SMG6: variants seen among roughly 807,000 people sequenced by gnomAD.
SMG6 encodes the protein SMG6 nonsense mediated mRNA decay factor, also known as telomerase-binding protein EST1A.
Under a neutral mutation model 142.2 loss-of-function variants are expected in SMG6, and 66 were observed. The observed-to-expected ratio is 0.46, with a 90% CI of 0.38 to 0.57. The LOEUF is 0.57. Among genes scored for constraint, SMG6 ranks in the 20% least tolerant of loss-of-function variants. The pLI, the probability that SMG6 is intolerant of heterozygous loss-of-function variation, is 0.00. For synonymous variants in SMG6, 779 were observed against 702.4 expected, an observed-to-expected ratio of 1.11 and a Z score of -1.72; for missense variants, 1,793 against 1,832.0, an observed-to-expected ratio of 0.98 and a Z score of 0.39.
intron 8 of SMG6, among the ~76,000 whole-genome samples, chr17:2,270,282 A>C (rs911367085): frequency 6.6e-6 from 1 of 152,184 alleles, no homozygotes; most frequent in African/African-American, 2.4e-5. Flanking sequence ...AAATAATCAC[A>C]TATACACCTA....
intron 13 of SMG6, among the ~76,000 whole-genome samples, chr17:2,165,215 T>A (rs561539218): frequency 1.3e-5 from 2 of 152,252 alleles, no homozygotes; most frequent in South Asian, 4.1e-4. Flanking sequence ...AATGACAGAA[T>A]TTCTTCTTCA....
intron 4 of SMG6, among the ~76,000 whole-genome samples, chr17:2,293,757 A>C (rs1218349527): frequency 6.6e-6 from 1 of 152,264 alleles, no homozygotes; most frequent in Non-Finnish European, 1.5e-5. Context: ...TACAGGCGTG[A>C]GCCATCACGC....
At chr17:2,099,495 A>C (rs1333585325) in intron 13 of SMG6, among the ~76,000 whole-genome samples, 2 of 152,134 alleles carry the variant, frequency 1.3e-5, no homozygotes, top group Non-Finnish European at 2.9e-5. Flanking sequence ...TTTGAAAAAA[A>C]AAAATTACAT....
intron 8 of SMG6, among the ~76,000 whole-genome samples, chr17:2,264,260 C>G (rs1184862236): frequency 6.6e-6 from 1 of 152,228 alleles, no homozygotes; most frequent in Non-Finnish European, 1.5e-5. Context: ...CTGATTGCTC[C>G]CTTGTCTAAC....
chr17:2,061,300 C>T lies in SMG6; in HGVS notation c.*192G>A, dbSNP rs1208966295. ...AGCCCAGGAGGGTCCCAGCAGCTTC[C>T]GCCCGATCCTTGGGAGGGGCTCTGT... On this transcript the variant is annotated 3_prime_UTR_variant, in exon 19 of 19. Coordinates refer to ENST00000263073, the MANE Select transcript of SMG6 (RefSeq NM_017575.5). The T allele has an allele frequency of 2.0e-5, 12 of 594,940 alleles. No individual in the cohort carries two copies. Among genetic ancestry groups the T allele is most frequent in the Middle Eastern group, 9.6e-4 (2 of 2,090 alleles). The allele number at this position is 594,940 out of a possible 1,614,324, so 36.9% of individuals were successfully genotyped here.
At chr17:2,100,100 C>T (rs1366925700) in intron 13 of SMG6, among the ~76,000 whole-genome samples, 2 of 150,434 alleles carry the variant, frequency 1.3e-5, no homozygotes, top group African/African-American at 2.5e-5. Context: ...TGCAGTGGCA[C>T]AATCTTGGCT....
intron 13 of SMG6, among the ~76,000 whole-genome samples, chr17:2,108,920 G>A (rs541542243): frequency 3.0e-4 from 45 of 152,296 alleles, no homozygotes; most frequent in Admixed American, 1.5e-3. Flanking sequence ...ACTCCAGCCT[G>A]GGCGACAGAG....
At chr17:2,113,922 C>A (rs555991881) in intron 13 of SMG6, among the ~76,000 whole-genome samples, 1 of 152,310 alleles carries the variant, frequency 6.6e-6, no homozygotes, top group African/African-American at 2.4e-5. Context: ...ATCAAATGAA[C>A]AATGACCTTC....
At chr17:2,284,124 A>C (rs565970958) in intron 6 of SMG6, among the ~76,000 whole-genome samples, 2 of 152,328 alleles carry the variant, frequency 1.3e-5, no homozygotes, top group Admixed American at 6.5e-5. Context: ...CAAGCCAGAC[A>C]GACCTTGGTC....
intron 13 of SMG6, chr17:2,101,523 C>T (rs562439170): frequency 6.6e-6 from 1 of 152,322 alleles, no homozygotes; most frequent in South Asian, 2.1e-4. Flanking sequence ...ATGACATTCT[C>T]AGGAGAACTA....
intron 13 of SMG6, among the ~76,000 whole-genome samples, chr17:2,165,100 C>A (rs1330750821): frequency 6.6e-6 from 1 of 152,140 alleles, no homozygotes; most frequent in Non-Finnish European, 1.5e-5. Context: ...AGACACAGAC[C>A]ACCACTTGGA....
At chr17:2,228,005 A>T (rs1012272752) in intron 10 of SMG6, among the ~76,000 whole-genome samples, 1 of 152,220 alleles carries the variant, frequency 6.6e-6, no homozygotes, top group African/African-American at 2.4e-5. Flanking sequence ...AAAGAATATA[A>T]ATAGTATGAT....
Position 2,061,203 on chromosome 17 carries a change from G to A in SMG6, c.*289C>T. 1 of 359,318 alleles carries A rather than the reference G, an allele frequency of 2.8e-6. No homozygotes were observed. The highest frequency in any genetic ancestry group is 5.3e-6 in the Non-Finnish European group (1 of 188,890). 22.3% of individuals were successfully genotyped at this position (359,318 alleles called of 1,614,324 possible). ...GAGACGGGGGAGGGAGAAAGGCTGA[G>A]AGCATGGGCGGCCTATCTGGCTTGC... On this transcript the variant is annotated 3_prime_UTR_variant, in exon 19 of 19. Transcript: ENST00000263073.
chr17:2,087,208 C>T (rs1208506574), intron 13 of SMG6: 1 of 1,290,328 alleles, frequency 7.7e-7, no homozygotes, highest in Non-Finnish European at 1.0e-6. Context: ...ACAAGCTGTG[C>T]ACACAGTAGG....
In SMG6 at chr17:2,303,780, C is replaced by T. The variant is rs1342259914; in HGVS notation, c.-60G>A. On this transcript the variant is annotated 5_prime_UTR_variant, in exon 1 of 19. Transcript: ENST00000263073. Reference sequence around the variant, plus strand: ...CCACCGCCGCGCGCAGCCAGGAAACCACCACAGACGGGCGGCGCGCGCGCT... The same window carrying T: ...CCACCGCCGCGCGCAGCCAGGAAACTACCACAGACGGGCGGCGCGCGCGCT... 6 of 1,401,864 alleles carry T rather than the reference C, an allele frequency of 4.3e-6. No homozygotes were observed. The highest frequency in any genetic ancestry group is 1.5e-5 in the African/African-American group (1 of 66,778). The allele number at this position is 1,401,864 out of a possible 1,614,324, so 86.8% of individuals were successfully genotyped here.
Position 2,300,127 on chromosome 17 carries a change from A to G in SMG6, c.626T>C (p.Val209Ala). ...TCCTTTTTCTCCTTTTGCAGCCCCT[A>G]CTCTCCCACCACCTGGGCTCTTTTC... Reference protein sequence around the residue: ...EIEKSPGGGRVGAAKGEKGKR... With the variant: ...EIEKSPGGGRAGAAKGEKGKR... The change falls in exon 2 of 19, where the codon GTA (valine) becomes GCA (alanine). Residue 209 changes from valine (V) to alanine (A), a missense_variant. By Grantham distance (64) the Val-to-Ala change is moderately conservative (BLOSUM62 0). Transcript: ENST00000263073. 1 of 1,612,164 alleles carries G rather than the reference A, an allele frequency of 6.2e-7. No individual in the cohort carries two copies. Among genetic ancestry groups the G allele is most frequent in the South Asian group, 1.1e-5 (1 of 90,986 alleles).
intron 13 of SMG6, 102 bp downstream of exon 13, chr17:2,172,556 C>T: frequency 8.0e-7 from 1 of 1,247,684 alleles, no homozygotes; most frequent in Non-Finnish European, 1.2e-6. Context: ...TTCTCAATGA[C>T]TTAATCATGT....
At chr17:2,066,652 TACACAC>T (rs1161956483) in intron 16 of SMG6, among the ~76,000 whole-genome samples, 5,579 of 119,546 alleles carry the variant, frequency 0.047, 154 homozygotes, top group African/African-American at 0.096. Context: ...CATGTGGGAA[TACACAC>T]ACACACACAC....
chr17:2,270,574 C>T (rs1481342746), intron 8 of SMG6, among the ~76,000 whole-genome samples: 1 of 152,172 alleles, frequency 6.6e-6, no homozygotes, highest in East Asian at 1.9e-4. Context: ...TGCTGCTGCA[C>T]TCCAGCCTGC....
Sources: gnomAD v4.1 joint callset for allele counts (sites outside exome capture counted in the v4.1 genomes callset) on GRCh38, gnomAD v4.1.1 for gene constraint, MANE v1.5 for transcripts, NCBI Gene and HGNC (gene_info 2026-07-23, HGNC 2026-07-21) for gene names.